Variants in LTN1 observed in about 807,000 individuals in gnomAD.
LTN1 encodes the protein listerin E3 ubiquitin protein ligase 1.
Under a neutral mutation model 201.2 loss-of-function variants are expected in LTN1, and 88 were observed. The observed-to-expected ratio is 0.44, with a 90% CI of 0.37 to 0.52. LTN1 has a LOEUF of 0.52. Among genes scored for constraint, LTN1 ranks in the 20% least tolerant of loss-of-function variants. The probability of loss-of-function intolerance (pLI) is 0.00; values close to 1 mark genes in which losing one functional copy is unlikely to be tolerated. For missense variants in LTN1, 1,752 were observed against 2,038.7 expected, an observed-to-expected ratio of 0.86 and a Z score of 2.71; for synonymous variants, 645 against 713.5, an observed-to-expected ratio of 0.90 and a Z score of 1.53.
At position 28,932,685 on chromosome 21, in the gene LTN1, T is replaced by C. The variant is rs548607624; in HGVS notation, c.4876-21A>G. 5.8e-5 allele frequency: 89 copies of C among 1,546,666 alleles called. No homozygotes were observed. The East Asian group carries it at 1.1e-3, about 20-fold the overall frequency. Reference sequence around the variant, plus strand: ...TTAACCTGCAATACAACAAAGGATATTTTGTTTGCCAAATTTCTGTCTTTC... The same window carrying C: ...TTAACCTGCAATACAACAAAGGATACTTTGTTTGCCAAATTTCTGTCTTTC... On this transcript the variant is annotated intron_variant, in intron 27 of 29. Transcript: ENST00000361371.
intron 7 of LTN1, 74 bp from the exon 8 acceptor site, chr21:28,970,816 T>C (rs2084568691): frequency 3.4e-6 from 4 of 1,162,920 alleles, no homozygotes; most frequent in African/African-American, 3.2e-5. Context: ...AGAAAACATA[T>C]AGGCTCTCAA....
intron 7 of LTN1, 53 bp from the exon 8 acceptor site, chr21:28,970,795 T>G: frequency 7.2e-7 from 1 of 1,386,828 alleles, no homozygotes; most frequent in Non-Finnish European, 9.8e-7. Flanking sequence ...CATACTTTTC[T>G]CAATTAAAAG....
chr21:28,989,033 A>T (rs2084724544), intron 1 of LTN1, among the ~76,000 whole-genome samples: 1 of 152,072 alleles, frequency 6.6e-6, no homozygotes, highest in South Asian at 2.1e-4. Flanking sequence ...TCTATTTTTT[A>T]AGTTTATTAA....
At position 28,971,305 on chromosome 21, in the gene LTN1, C is replaced by T; in HGVS notation, c.950G>A (p.Trp317Ter). The T allele has an allele frequency of 6.2e-7, 1 of 1,613,986 alleles. No homozygotes were observed. Residue 317 changes from tryptophan to a stop codon, truncating the protein, a stop_gained, in exon 7 of 30, where the codon TGG (tryptophan) becomes TAG (stop). Coordinates refer to ENST00000361371, the MANE Select transcript of LTN1 (RefSeq NM_015565.3). LOFTEE classifies it high-confidence loss of function. ...DSDPIVCPAL[W>*]EAVLYTLTTI... Reference sequence around the variant, plus strand: ...TGTAAGTGTATAGAGTACAGCTTCCCAGAGAGCTGGGCAGACAATTGGGTC... The same window carrying T: ...TGTAAGTGTATAGAGTACAGCTTCCTAGAGAGCTGGGCAGACAATTGGGTC...
chr21:28,946,141 G>C lies in LTN1; in HGVS notation c.3623+11C>G, dbSNP rs1056488019. On this transcript the variant is annotated intron_variant, in intron 20 of 29. Transcript: ENST00000361371. ...TACTGAAGGAAAAACATAGTATAAA[G>C]TATCACCTACCAACTGAAAAGAAAA... is the stretch of plus-strand genomic sequence containing the variant. 13 of 1,568,370 alleles carry C rather than the reference G, an allele frequency of 8.3e-6. No individual in the cohort carries two copies. The highest frequency in any genetic ancestry group is 1.1e-5 in the Non-Finnish European group (13 of 1,157,152).
chr21:28,949,203 A>G (rs2084364366), intron 18 of LTN1, among the ~76,000 whole-genome samples: 1 of 152,084 alleles, frequency 6.6e-6, no homozygotes, highest in African/African-American at 2.4e-5. Flanking sequence ...AAATTTTCCA[A>G]TTTGGAGGGT....
intron 4 of LTN1, 65 bp from the exon 5 acceptor site, chr21:28,982,433 C>A: frequency 8.5e-7 from 1 of 1,181,994 alleles, no homozygotes; most frequent in Non-Finnish European, 1.2e-6. Flanking sequence ...ACAGACAGAG[C>A]CTAGTTAAAT....
intron 1 of LTN1, 79 bp downstream of exon 1, chr21:28,992,685 C>G: frequency 3.2e-6 from 5 of 1,547,106 alleles, no homozygotes; most frequent in Non-Finnish European, 3.6e-6. Context: ...GCGCTCCACA[C>G]ACCCTCCAGC....
At chr21:28,977,895 T>C (rs1009352451) in intron 6 of LTN1, among the ~76,000 whole-genome samples, 1 of 151,918 alleles carries the variant, frequency 6.6e-6, no homozygotes, top group African/African-American at 2.4e-5. Flanking sequence ...GCCACTGCAC[T>C]TCAGCCTAGG....
chr21:28,970,930 C>T (rs73190148), intron 7 of LTN1, among the ~76,000 whole-genome samples, 188 bp from the exon 8 acceptor site: 143 of 152,172 alleles, frequency 9.4e-4, no homozygotes, highest in Non-Finnish European at 1.7e-3. Context: ...ATCATATATT[C>T]GACATGCTTA....
At chr21:28,938,402 G>A (rs925646731) in intron 25 of LTN1, among the ~76,000 whole-genome samples, 1 of 152,264 alleles carries the variant, frequency 6.6e-6, no homozygotes, top group Non-Finnish European at 1.5e-5. Context: ...GTTAAAAGAT[G>A]TATGTAACTT....
At position 28,933,738 on chromosome 21, in the gene LTN1, G is replaced by A. The variant is rs571683665; in HGVS notation, c.4876-1074C>T. The stretch of plus-strand genomic sequence containing the variant: ...GTTGCCCAGGCTGGAGTGCAATGGC[G>A]TGATCTCGGCTCACCACAACCTCCG... On this transcript the variant is annotated intron_variant, in intron 27 of 29. Coordinates refer to ENST00000361371, the MANE Select transcript of LTN1 (RefSeq NM_015565.3). 2.4e-4 allele frequency among the ~76,000 whole-genome samples: 36 copies of A among 149,544 alleles called. No individual in the cohort carries two copies. In the East Asian group the frequency reaches 6.3e-3, roughly 26 times the overall value.
intron 6 of LTN1, among the ~76,000 whole-genome samples, chr21:28,974,549 C>CTTT (rs2084600197): frequency 2.0e-5 from 3 of 152,166 alleles, no homozygotes; most frequent in African/African-American, 7.2e-5. Context: ...TTTGCCCAAA[C>CTTT]GTGGCTGTGG....
chr21:28,953,467 G>GTT (rs2084400212), intron 16 of LTN1, 91 bp from the exon 17 acceptor site: 1 of 904,704 alleles, frequency 1.1e-6, no homozygotes, highest in African/African-American at 1.7e-5. Context: ...TTCTAACACT[G>GTT]TTGTGCCCAC....
At position 28,984,857 on chromosome 21, in the gene LTN1, C is replaced by G; in HGVS notation, c.411G>C (p.Lys137Asn). The change falls in exon 4 of 30, where the codon AAG becomes AAC. Residue 137 changes from lysine (K) to asparagine (N), a missense_variant. By Grantham distance (94) the Lys-to-Asn change is moderately conservative. Coordinates refer to ENST00000361371, the MANE Select transcript of LTN1 (RefSeq NM_015565.3). ...TTTTTAAGTAGGGAGCCAACTGTTT[C>G]TTTACTTTAAGGATAAGTTTTTCAA... ...QAFEKLILKV[K>N]KQLAPYLKSL... 1 of 1,614,024 alleles carries G rather than the reference C, an allele frequency of 6.2e-7. No individual in the cohort carries two copies.
intron 24 of LTN1, among the ~76,000 whole-genome samples, chr21:28,943,009 A>C (rs2084309097): frequency 6.6e-6 from 1 of 152,226 alleles, no homozygotes; most frequent in South Asian, 2.1e-4. Context: ...CTCTTTCCAC[A>C]GCCACCATAT....
In LTN1 at chr21:28,928,210, G is replaced by A. The variant is rs1044350600; in HGVS notation, c.*2238C>T. 6.6e-6 allele frequency: 1 copy of A among 152,490 alleles called. No individual in the cohort carries two copies. Among genetic ancestry groups the A allele is most frequent in the Non-Finnish European group, 1.5e-5 (1 of 67,998 alleles). 9.4% of individuals were successfully genotyped at this position (152,490 alleles called of 1,614,324 possible). ...AAGCAAATATGGCAAAATAGTATGT[G>A]AAGGGTACAAGGGCATTTATATTAT... On this transcript the variant is annotated 3_prime_UTR_variant, in exon 30 of 30. Coordinates refer to ENST00000361371, the MANE Select transcript of LTN1 (RefSeq NM_015565.3).
intron 12 of LTN1, 145 bp from the exon 13 acceptor site, chr21:28,959,842 C>G: frequency 1.5e-6 from 1 of 678,152 alleles, no homozygotes. Flanking sequence ...TCAACACATT[C>G]TCTCACACAT....
chr21:28,964,214 C>G (rs1016216753), intron 11 of LTN1, among the ~76,000 whole-genome samples: 1 of 152,132 alleles, frequency 6.6e-6, no homozygotes, highest in African/African-American at 2.4e-5. Context: ...TCATATGCTA[C>G]AGAGAAATCT....
Sources: gnomAD v4.1 joint callset for allele counts (sites outside exome capture counted in the v4.1 genomes callset) on GRCh38, gnomAD v4.1.1 for gene constraint, MANE v1.5 for transcripts, NCBI Gene and HGNC (gene_info 2026-07-23, HGNC 2026-07-21) for gene names.